Variants in SKAP2 observed in about 807,000 individuals in gnomAD.
SKAP2 encodes src kinase associated phosphoprotein 2, also known as src kinase-associated phosphoprotein 2.
In SKAP2, 28 loss-of-function variants were observed where a neutral mutation model predicts 54.9. That is an observed-to-expected ratio of 0.51 (90% CI 0.38 to 0.70). The LOEUF (loss-of-function observed/expected upper bound fraction) is 0.70, where lower values mean the gene tolerates loss of function less well. Ranked by LOEUF, SKAP2 falls within the 30% of genes least tolerant of loss-of-function variation. The probability of loss-of-function intolerance (pLI) is 0.00; values close to 1 mark genes in which losing one functional copy is unlikely to be tolerated. For synonymous variants in SKAP2, 137 were observed against 134.3 expected, an observed-to-expected ratio of 1.02 and a Z score of -0.14; for missense variants, 356 against 424.1, an observed-to-expected ratio of 0.84 and a Z score of 1.41.
At chr7:26,740,849 C>T (rs1488690302) in intron 4 of SKAP2, among the ~76,000 whole-genome samples, 1 of 151,936 alleles carries the variant, frequency 6.6e-6, no homozygotes, top group African/African-American at 2.4e-5. Context: ...ATTAGCCAGG[C>T]ATGGTGGCGG....
chr7:26,846,705 G>C (rs1283425433), intron 3 of SKAP2, among the ~76,000 whole-genome samples: 1 of 152,182 alleles, frequency 6.6e-6, no homozygotes, highest in Non-Finnish European at 1.5e-5. Flanking sequence ...AATAGACCGG[G>C]TGCGGTGGCT....
At chr7:26,776,227 C>T (rs768682698) in intron 4 of SKAP2, among the ~76,000 whole-genome samples, 1 of 152,036 alleles carries the variant, frequency 6.6e-6, no homozygotes, top group African/African-American at 2.4e-5. Flanking sequence ...ATGGTGAAAT[C>T]CTCCCAGCAT....
At chr7:26,699,944 G>A (rs1282843292) in intron 9 of SKAP2, among the ~76,000 whole-genome samples, 1 of 152,098 alleles carries the variant, frequency 6.6e-6, no homozygotes, top group African/African-American at 2.4e-5. Flanking sequence ...ACCAAAGTCC[G>A]TATGTGTTTT....
intron 2 of SKAP2, among the ~76,000 whole-genome samples, chr7:26,854,549 C>T (rs1413938683): frequency 6.6e-6 from 1 of 151,954 alleles, no homozygotes; most frequent in Non-Finnish European, 1.5e-5. Context: ...AAATAAACAG[C>T]TGAACTCTGC....
downstream of SKAP2, among the ~76,000 whole-genome samples, chr7:26,666,814 C>T (rs996382531): frequency 9.9e-5 from 15 of 152,096 alleles, no homozygotes; most frequent in African/African-American, 2.7e-4. Context: ...AAAAATAGAA[C>T]GGAGTGAGCT....
intron 4 of SKAP2, among the ~76,000 whole-genome samples, chr7:26,828,193 T>G (rs1396875844): frequency 2.0e-5 from 3 of 151,632 alleles, no homozygotes; most frequent in Non-Finnish European, 4.4e-5. Context: ...CTGAAATAAC[T>G]TAAGGAAAAC....
intron 3 of SKAP2, among the ~76,000 whole-genome samples, chr7:26,847,235 T>C (rs1784942245): frequency 6.6e-6 from 1 of 152,154 alleles, no homozygotes; most frequent in Non-Finnish European, 1.5e-5. Flanking sequence ...ATGCTATATA[T>C]ACAGGGATAG....
intron 3 of SKAP2, among the ~76,000 whole-genome samples, chr7:26,844,387 A>G (rs1163038535): frequency 1.3e-5 from 2 of 152,142 alleles, no homozygotes; most frequent in Non-Finnish European, 2.9e-5. Context: ...TTATGACACA[A>G]AAGGATATAG....
chr7:26,824,848 T>C (rs1394147799), intron 4 of SKAP2, among the ~76,000 whole-genome samples: 1 of 152,186 alleles, frequency 6.6e-6, no homozygotes, highest in African/African-American at 2.4e-5. Flanking sequence ...TGATCTAGAC[T>C]GTTATTTTGG....
chr7:26,812,947 G>A (rs550743692), intron 4 of SKAP2, among the ~76,000 whole-genome samples: 60 of 151,994 alleles, frequency 3.9e-4, no homozygotes, highest in African/African-American at 1.3e-3. Flanking sequence ...TAACTGTTGA[G>A]TTATAAATAC....
chr7:26,720,803 G>C (rs1787561995), intron 9 of SKAP2, among the ~76,000 whole-genome samples: 1 of 152,096 alleles, frequency 6.6e-6, no homozygotes, highest in South Asian at 2.1e-4. Context: ...ACGAGAACTG[G>C]ATAGGGGACA....
In SKAP2 at chr7:26,738,809, T is replaced by G; in HGVS notation, c.455A>C (p.Tyr152Ser). The change falls in exon 6 of 13, where the codon TAT becomes TCT. Residue 152 changes from tyrosine (Y) to serine (S), a missense_variant. Transcript: ENST00000345317. ...ACCAACATTACCTTTATCACTTCCA[T>G]AATAATAGAATACCGTTTTACTGAG... Reference protein sequence around the residue: ...CALSKTVFYYYGSDKDKQQKG... With the variant: ...CALSKTVFYYSGSDKDKQQKG... 1 of 1,595,788 alleles carries G rather than the reference T, an allele frequency of 6.3e-7. No individual in the cohort carries two copies. Among genetic ancestry groups the G allele is most frequent in the Non-Finnish European group, 8.6e-7 (1 of 1,163,922 alleles).
intron 11 of SKAP2, among the ~76,000 whole-genome samples, chr7:26,673,538 G>A (rs894043666): frequency 6.6e-6 from 1 of 152,036 alleles, no homozygotes. Context: ...CTGCAGTAAT[G>A]CTATCAAGAT....
chr7:26,753,459 T>TA (rs1782727158), intron 4 of SKAP2, among the ~76,000 whole-genome samples: 1 of 152,008 alleles, frequency 6.6e-6, no homozygotes, highest in Non-Finnish European at 1.5e-5. Flanking sequence ...CACTGCAAAA[T>TA]AAAAAAATCA....
At chr7:26,742,137 A>G (rs1256380688) in intron 4 of SKAP2, among the ~76,000 whole-genome samples, 1 of 152,198 alleles carries the variant, frequency 6.6e-6, no homozygotes, top group African/African-American at 2.4e-5. Context: ...TAAAACAAAA[A>G]TTACAAACAG....
chr7:26,835,649 C>T (rs1203793615), intron 4 of SKAP2, among the ~76,000 whole-genome samples: 1 of 152,066 alleles, frequency 6.6e-6, no homozygotes, highest in Admixed American at 6.6e-5. Context: ...TGAAGGACCT[C>T]TTCAAGGAGA....
the SKAP2 span, among the ~76,000 whole-genome samples, chr7:26,659,560 A>G: frequency 3.9e-5 from 6 of 152,172 alleles, no homozygotes; most frequent in Non-Finnish European, 8.8e-5. Flanking sequence ...TAATAATGAG[A>G]TGTTTACACA....
chr7:26,846,404 C>T (rs1584423874), intron 3 of SKAP2, among the ~76,000 whole-genome samples: 1 of 151,712 alleles, frequency 6.6e-6, no homozygotes, highest in East Asian at 1.9e-4. Context: ...AGTTTATTAT[C>T]CTTTGATAAC....
At chr7:26,692,196 G>C (rs1033936195) in intron 9 of SKAP2, among the ~76,000 whole-genome samples, 1 of 152,068 alleles carries the variant, frequency 6.6e-6, no homozygotes, top group African/African-American at 2.4e-5. Flanking sequence ...AGGAATGAGG[G>C]GGGGGAAAAG....
Sources: allele counts gnomAD v4.1 joint callset (sites outside exome capture counted in the v4.1 genomes callset), GRCh38; gene constraint gnomAD v4.1.1; transcripts MANE v1.5; gene names NCBI Gene and HGNC (gene_info 2026-07-23, HGNC 2026-07-21).